NRXN3: variants seen among roughly 807,000 people sequenced by gnomAD.
NRXN3 encodes neurexin 3.
Under a neutral mutation model 137.6 loss-of-function variants are expected in NRXN3, and 32 were observed. That is an observed-to-expected ratio of 0.23 (90% CI 0.18 to 0.31). The LOEUF (loss-of-function observed/expected upper bound fraction) is 0.31, where lower values mean the gene tolerates loss of function less well. Among genes scored for constraint, NRXN3 ranks in the 10% least tolerant of loss-of-function variants. The pLI is 1.00. For missense variants in NRXN3, 1,574 were observed against 2,062.5 expected (o/e 0.76, Z 4.59); for synonymous variants, 798 against 784.5 (o/e 1.02, Z -0.29).
intron 10 of NRXN3, among the ~76,000 whole-genome samples, chr14:78,812,390 C>A (rs1210073704): frequency 3.9e-5 from 6 of 152,134 alleles, no homozygotes; most frequent in African/African-American, 1.4e-4. Context: ...AAGGTGGAAA[C>A]CCAGCATGAA....
chr14:78,794,085 A>G (rs972577699), intron 8 of NRXN3, among the ~76,000 whole-genome samples: 4 of 152,214 alleles, frequency 2.6e-5, no homozygotes, highest in Non-Finnish European at 5.9e-5. Flanking sequence ...GAGGGAGTTC[A>G]AATAATAACA....
chr14:78,966,880 A>G (rs956280048), intron 12 of NRXN3, among the ~76,000 whole-genome samples: 1 of 152,218 alleles, frequency 6.6e-6, no homozygotes, highest in African/African-American at 2.4e-5. Flanking sequence ...AAAAAACCAA[A>G]ACAAAAACCA....
At chr14:79,655,303 T>C (rs1275917629) in intron 16 of NRXN3, among the ~76,000 whole-genome samples, 1 of 151,974 alleles carries the variant, frequency 6.6e-6, no homozygotes, top group African/African-American at 2.4e-5. Flanking sequence ...TCTGGCTCTG[T>C]GAGCATGCAT....
chr14:78,899,406 C>T (rs1291951633), intron 10 of NRXN3, among the ~76,000 whole-genome samples: 3 of 151,966 alleles, frequency 2.0e-5, no homozygotes, highest in African/African-American at 7.2e-5. Flanking sequence ...TTACTCACCT[C>T]TGCGTCCCAT....
At chr14:78,249,988 A>G in intron 2 of NRXN3, 1 of 415,454 alleles carries the variant, frequency 2.4e-6, no homozygotes, top group South Asian at 1.8e-5. Context: ...GCTAATAATC[A>G]CAGAGCACTG....
intron 10 of NRXN3, among the ~76,000 whole-genome samples, chr14:78,827,701 C>G (rs2098970896): frequency 6.6e-6 from 1 of 152,222 alleles, no homozygotes; most frequent in Non-Finnish European, 1.5e-5. Flanking sequence ...TTCCTGCCTT[C>G]CTTCTGATTT....
At chr14:78,505,315 G>C (rs2153781795) in intron 4 of NRXN3, among the ~76,000 whole-genome samples, 1 of 152,188 alleles carries the variant, frequency 6.6e-6, no homozygotes, top group African/African-American at 2.4e-5. Flanking sequence ...TTTTTAGCTG[G>C]GCCAAAGAAT....
intron 19 of NRXN3, among the ~76,000 whole-genome samples, chr14:79,755,565 G>T (rs755920127): frequency 1.8e-4 from 26 of 148,024 alleles, no homozygotes; most frequent in African/African-American, 2.3e-4. Flanking sequence ...GTAGTTTACT[G>T]TCTTTCTCTA....
At chr14:78,557,713 T>A (rs1462973332) in intron 4 of NRXN3, among the ~76,000 whole-genome samples, 2 of 152,200 alleles carry the variant, frequency 1.3e-5, no homozygotes, top group Admixed American at 1.3e-4. Flanking sequence ...AAGGCCCAAC[T>A]TCTAACTGTT....
At chr14:79,751,514 C>A (rs1242477620) in intron 19 of NRXN3, among the ~76,000 whole-genome samples, 1 of 151,102 alleles carries the variant, frequency 6.6e-6, no homozygotes, top group Non-Finnish European at 1.5e-5. Flanking sequence ...ATGTCATCTG[C>A]AAACAGGGAC....
At chr14:79,060,891 G>A (rs563798093) in intron 15 of NRXN3, among the ~76,000 whole-genome samples, 2 of 151,868 alleles carry the variant, frequency 1.3e-5, no homozygotes, top group Admixed American at 6.6e-5. Flanking sequence ...ATGGCTGTTC[G>A]CTCTCTCAGA....
At chr14:78,441,422 T>C (rs2094243540) in intron 4 of NRXN3, among the ~76,000 whole-genome samples, 1 of 152,140 alleles carries the variant, frequency 6.6e-6, no homozygotes, top group Non-Finnish European at 1.5e-5. Flanking sequence ...AATTCAAGCG[T>C]CACTCCCTCC....
intron 1 of NRXN3, among the ~76,000 whole-genome samples, chr14:78,233,482 AC>A (rs2065738953): frequency 6.6e-6 from 1 of 152,068 alleles, no homozygotes; most frequent in African/African-American, 2.4e-5. Flanking sequence ...GTATAGACCT[AC>A]TTAGTACTGG....
intron 19 of NRXN3, among the ~76,000 whole-genome samples, chr14:79,767,490 A>T (rs1371053750): frequency 2.6e-5 from 4 of 152,218 alleles, no homozygotes; most frequent in Admixed American, 2.0e-4. Flanking sequence ...TTACAGTGCT[A>T]TAAATTGTCA....
intron 15 of NRXN3, among the ~76,000 whole-genome samples, chr14:79,314,792 C>A (rs1197641539): frequency 6.9e-6 from 1 of 144,766 alleles, no homozygotes; most frequent in Admixed American, 7.0e-5. Context: ...GAGGCACCCC[C>A]CAGCAGGGGT....
chr14:79,131,130 C>G (rs2057402647), intron 15 of NRXN3, among the ~76,000 whole-genome samples: 2 of 152,198 alleles, frequency 1.3e-5, no homozygotes, highest in Admixed American at 6.5e-5. Flanking sequence ...TGAATTTCCT[C>G]CCGTAGCTCA....
chr14:78,750,144 C>T (rs1186024189), intron 8 of NRXN3, among the ~76,000 whole-genome samples: 1 of 152,204 alleles, frequency 6.6e-6, no homozygotes, highest in Middle Eastern at 3.2e-3. Flanking sequence ...CCCACCACTG[C>T]AAAAGTGTGA....
rs529178803 is a variant in NRXN3, at chr14:79,067,511, A to C, written c.3262+79370A>C. Among the ~76,000 whole-genome samples, 10 of 152,068 alleles carry C rather than the reference A, an allele frequency of 6.6e-5. No homozygotes were observed. In the East Asian group the frequency reaches 1.2e-3, roughly 18 times the overall value. On this transcript the variant is annotated intron_variant, in intron 15 of 20. Transcript: ENST00000335750. ...AGTTAGGGAGGAGTCCCTCCTCTTC[A>C]ATTTTTTGAATAGTTTCAGTAGAAA...
At chr14:79,318,635 A>G (rs1405737209) in intron 15 of NRXN3, among the ~76,000 whole-genome samples, 1 of 152,168 alleles carries the variant, frequency 6.6e-6, no homozygotes, top group African/African-American at 2.4e-5. Flanking sequence ...TATGGGATTT[A>G]TTGGGAGTGT....
Sources: gnomAD v4.1 joint callset for allele counts (sites outside exome capture counted in the v4.1 genomes callset) on GRCh38, gnomAD v4.1.1 for gene constraint, MANE v1.5 for transcripts, NCBI Gene and HGNC (gene_info 2026-07-23, HGNC 2026-07-21) for gene names.